Variants in ATM observed in about 807,000 individuals in gnomAD.
The protein encoded by ATM is serine-protein kinase ATM.
In ATM, 308 loss-of-function variants were observed where a neutral mutation model predicts 387.0. That is an observed-to-expected ratio of 0.80 (90% CI 0.73 to 0.87). The LOEUF is 0.87. Ranked by LOEUF, ATM falls within the 40% of genes least tolerant of loss-of-function variation. The probability of loss-of-function intolerance (pLI) is 0.00; values close to 1 mark genes in which losing one functional copy is unlikely to be tolerated. For synonymous variants in ATM, 1,156 were observed against 1,187.3 expected (o/e 0.97, Z 0.54); for missense variants, 3,312 against 3,560.9 (o/e 0.93, Z 1.78).
rs144307279 is a variant in ATM at position 108,248,703 on chromosome 11, A to G, written c.1066-230A>G. On this transcript the variant is annotated intron_variant, in intron 8 of 62. Coordinates refer to ENST00000675843, the MANE Select transcript of ATM (RefSeq NM_000051.4). ...TGGGAGTTCAAGACCAGTCTGACCA[A>G]CATGGAGAAACTCTGTCCCTACTAA... 7.9e-3 allele frequency among the ~76,000 whole-genome samples: 1,203 copies of G among 152,186 alleles called. 8 individuals are homozygous for G. The highest frequency in any genetic ancestry group is 0.025 in the African/African-American group (1,029 of 41,498).
At position 108,251,089 on chromosome 11, in the gene ATM, T is replaced by G; in HGVS notation, c.1607+17T>G. ...ACCTTCATGGTAAGTTCAGCATGCA[T>G]TATGTCTGACTTACAGATAAACACA... is the stretch of plus-strand genomic sequence containing the variant. On this transcript the variant is annotated intron_variant, in intron 10 of 62. Transcript: ENST00000675843. The G allele has an allele frequency of 6.2e-7, 1 of 1,613,756 alleles. No homozygotes were observed. The highest frequency in any genetic ancestry group is 8.5e-7 in the Non-Finnish European group (1 of 1,179,976).
intron 16 of ATM, among the ~76,000 whole-genome samples, chr11:108,266,388 A>G (rs887092600): frequency 2.0e-5 from 3 of 151,590 alleles, no homozygotes; most frequent in Admixed American, 6.6e-5. Context: ...CGCAAGAAGA[A>G]AAAACCAAAC....
rs530548516 is a variant in ATM, at chr11:108,232,178, ATAGT to A, written c.331+2857_331+2860del. On this transcript the variant is annotated intron_variant, in intron 4 of 62. Coordinates refer to ENST00000675843, the MANE Select transcript of ATM (RefSeq NM_000051.4). ...GCATCAGCCTGTTGGTTTATAAGAA[ATAGT>A]TGGTGAAATTATCAATGCTGGTCAT... Among the ~76,000 whole-genome samples, 257 of 152,350 alleles carry A rather than the reference ATAGT, an allele frequency of 1.7e-3. 1 individual carries two copies. The Middle Eastern group carries it at 0.024, about 14-fold the overall frequency.
chr11:108,296,654 A>G (rs1407373643), intron 32 of ATM, among the ~76,000 whole-genome samples: 1 of 152,248 alleles, frequency 6.6e-6, no homozygotes, highest in Non-Finnish European at 1.5e-5. Context: ...TTTGAGATAT[A>G]TAAAATGTAT....
intron 16 of ATM, among the ~76,000 whole-genome samples, chr11:108,261,691 C>T (rs537755168): frequency 1.3e-4 from 19 of 151,898 alleles, no homozygotes; most frequent in South Asian, 6.3e-4. Flanking sequence ...CTCTGAGCTA[C>T]GGGAGGACAT....
intron 56 of ATM, among the ~76,000 whole-genome samples, chr11:108,341,364 TA>T (rs2087549635): frequency 1.3e-5 from 2 of 152,252 alleles, no homozygotes; most frequent in East Asian, 3.9e-4. Context: ...TTTTTAAACT[TA>T]AGTTTTGTTC....
intron 5 of ATM, among the ~76,000 whole-genome samples, chr11:108,237,684 A>G (rs1342386285): frequency 6.6e-6 from 1 of 152,128 alleles, no homozygotes; most frequent in Non-Finnish European, 1.5e-5. Context: ...TGAGATTTGT[A>G]TATAGAGTTT....
intron 3 of ATM, among the ~76,000 whole-genome samples, chr11:108,228,118 A>C (rs776937107): frequency 6.6e-6 from 1 of 152,172 alleles, no homozygotes. Flanking sequence ...TGTTTTAGAC[A>C]TATCTCACTC....
rs3218702 is a variant in ATM at position 108,333,990 on chromosome 11, A to AT, written c.8010+30dup. Reference sequence around the variant, plus strand: ...TAAGGTAATTTGCAATTAACTCTTGATTTTTTTTAAACTAAATTTTTTTTA... The same window carrying AT: ...TAAGGTAATTTGCAATTAACTCTTGATTTTTTTTTAAACTAAATTTTTTTTA... On this transcript the variant is annotated intron_variant, in intron 54 of 62. Coordinates refer to ENST00000675843, the MANE Select transcript of ATM (RefSeq NM_000051.4). The AT allele has an allele frequency of 2.7e-3, 4,228 of 1,563,520 alleles. 100 individuals carry two copies. The African/African-American group carries it at 0.049, about 18-fold the overall frequency.
chr11:108,253,007 T>C (rs1214069851), intron 12 of ATM, 95 bp downstream of exon 12: 1 of 1,132,002 alleles, frequency 8.8e-7, no homozygotes, highest in African/African-American at 1.6e-5. Flanking sequence ...TCTTAATAAT[T>C]GTAAACTAAA....
At position 108,368,054 on chromosome 11, in the gene ATM, A is replaced by C. The variant is rs1454007752; in HGVS notation, c.*2546A>C. ...CATCCAGAGAGCTTTGAATAACATC[A>C]TTAATCTACTCTTTAGCCTTGCATG... On this transcript the variant is annotated 3_prime_UTR_variant, in exon 63 of 63. Coordinates refer to ENST00000675843, the MANE Select transcript of ATM (RefSeq NM_000051.4). The C allele has an allele frequency of 4.8e-6, 1 of 208,042 alleles. No individual in the cohort carries two copies. The highest frequency in any genetic ancestry group is 9.8e-6 in the Non-Finnish European group (1 of 102,268). 12.9% of individuals were successfully genotyped at this position (208,042 alleles called of 1,614,324 possible). A position where few individuals can be genotyped will look rare whatever the true frequency, so the allele number is the denominator to read the frequency against.
chr11:108,366,396 G>C lies in ATM; in HGVS notation c.*888G>C. The stretch of plus-strand genomic sequence containing the variant: ...TCTGTTTCTTGATGTCATTTTTAAT[G>C]TTTTTTTAATGTTTTTTATGTCACT... On this transcript the variant is annotated 3_prime_UTR_variant, in exon 63 of 63. Transcript: ENST00000675843. 4.6e-6 allele frequency: 1 copy of C among 216,466 alleles called. No homozygotes were observed. Among genetic ancestry groups the C allele is most frequent in the Non-Finnish European group, 9.3e-6 (1 of 107,708 alleles). 13.4% of individuals were successfully genotyped at this position (216,466 alleles called of 1,614,324 possible). A position where few individuals can be genotyped will look rare whatever the true frequency, so the allele number is the denominator to read the frequency against.
rs1351209504 is a variant in ATM, at chr11:108,327,763, G to C, written c.7089+5G>C. The C allele has an allele frequency of 6.2e-7, 1 of 1,602,860 alleles. No homozygotes were observed. The highest frequency in any genetic ancestry group is 2.2e-5 in the East Asian group (1 of 44,706). ...ATGCAGACCTATCTAGAAAAGGTAA[G>C]ATTTTTGGAGCAACCCTTAAGATAG... is the stretch of plus-strand genomic sequence containing the variant. On this transcript the variant is annotated splice_donor_5th_base_variant and intron_variant, in intron 48 of 62. Transcript: ENST00000675843.
chr11:108,306,447 C>G (rs1279466694), intron 37 of ATM, among the ~76,000 whole-genome samples: 1 of 152,018 alleles, frequency 6.6e-6, no homozygotes, highest in African/African-American at 2.4e-5. Flanking sequence ...ATTTACAGTA[C>G]TATTAAAAAC....
At chr11:108,262,570 A>G (rs2080964657) in intron 16 of ATM, among the ~76,000 whole-genome samples, 3 of 152,262 alleles carry the variant, frequency 2.0e-5, no homozygotes, top group Admixed American at 6.5e-5. Flanking sequence ...AAGAAACTGC[A>G]TCAACTAATG....
At chr11:108,327,572 C>A in intron 47 of ATM, 73 bp from the exon 48 acceptor site, 1 of 1,258,240 alleles carries the variant, frequency 7.9e-7, no homozygotes, top group Non-Finnish European at 1.1e-6. Context: ...TGCTTTTTTC[C>A]CCGTACATGA....
chr11:108,324,901 AG>A (rs1477892403), intron 45 of ATM, among the ~76,000 whole-genome samples: 1 of 152,192 alleles, frequency 6.6e-6, no homozygotes, highest in African/African-American at 2.4e-5. Context: ...CATCCCCAGT[AG>A]GGGGTCCCTC....
rs1182151616 is a variant in ATM at position 108,250,627 on chromosome 11, A to T, written c.1236-74A>T. 15 of 1,430,196 alleles carry T rather than the reference A, an allele frequency of 1.0e-5. No individual in the cohort carries two copies. The East Asian group carries it at 1.6e-4, about 15-fold the overall frequency. 88.6% of individuals were successfully genotyped at this position (1,430,196 alleles called of 1,614,324 possible). A position where few individuals can be genotyped will look rare whatever the true frequency, so the allele number is the denominator to read the frequency against. On this transcript the variant is annotated intron_variant, in intron 9 of 62. Transcript: ENST00000675843. ...CTAATTAGGATATTGTAAGAGTACCATGTCTATATATTTCCTTTTAGTTTG... is the reference window on the plus strand; with the variant it reads ...CTAATTAGGATATTGTAAGAGTACCTTGTCTATATATTTCCTTTTAGTTTG...
rs587779831 is a variant in ATM at position 108,271,312 on chromosome 11, C to A, written c.2983C>A (p.Leu995Ile). 1.9e-6 allele frequency: 3 copies of A among 1,613,394 alleles called. No homozygotes were observed. Among genetic ancestry groups the A allele is most frequent in the Non-Finnish European group, 2.5e-6 (3 of 1,179,948 alleles). The change falls in exon 20 of 63, where the codon CTT (leucine) becomes ATT (isoleucine). Residue 995 changes from leucine to isoleucine, a missense_variant. Leu to Ile is a conservative substitution (Grantham distance 5). This residue lies in a region of ATM where 1,791 missense variants were observed against 1,804.5 expected (regional missense o/e 0.99). Transcript: ENST00000675843. ...DVCKTILNHV[L>I]HVVKNLGQSN... ...TTGTAAAACTATTTTAAACCATGTCCTTCATGTAGTGAAAAACCTAGGTCA... is the reference window on the plus strand; with the variant it reads ...TTGTAAAACTATTTTAAACCATGTCATTCATGTAGTGAAAAACCTAGGTCA...
Sources: gnomAD v4.1 joint callset for allele counts (sites outside exome capture counted in the v4.1 genomes callset) on GRCh38, gnomAD v4.1.1 for gene constraint, gnomAD v4.1.1 regional missense constraint, MANE v1.5 for transcripts, NCBI Gene and HGNC (gene_info 2026-07-23, HGNC 2026-07-21) for gene names.